TMPRSS15: variants seen among roughly 807,000 people sequenced by gnomAD.
TMPRSS15 encodes enteropeptidase.
A neutral mutation model predicts 125.3 loss-of-function variants in TMPRSS15; 128 were observed. The observed-to-expected ratio is 1.02, with a 90% CI of 0.89 to 1.18. TMPRSS15 has a LOEUF of 1.18. TMPRSS15 is among the 50% of genes most tolerant of loss of function. The pLI is 0.00. For synonymous variants in TMPRSS15, 446 were observed against 423.2 expected, an observed-to-expected ratio of 1.05 and a Z score of -0.66; for missense variants, 1,283 against 1,212.7, an observed-to-expected ratio of 1.06 and a Z score of -0.86.
chr21:18,313,126 G>A (rs371037903), intron 17 of TMPRSS15, 49 bp from the exon 18 acceptor site: 109 of 1,326,704 alleles, frequency 8.2e-5, no homozygotes, highest in Admixed American at 1.3e-4. Flanking sequence ...TGAAGGGTGC[G>A]GAGTATGGGA....
chr21:18,417,205 C>T (rs2076182485), intron 1 of TMPRSS15, among the ~76,000 whole-genome samples: 1 of 151,958 alleles, frequency 6.6e-6, no homozygotes, highest in South Asian at 2.1e-4. Flanking sequence ...TTTAAATTGT[C>T]TATTACCTTT....
chr21:18,329,809 G>C (rs1207201046), intron 14 of TMPRSS15, among the ~76,000 whole-genome samples: 4 of 150,894 alleles, frequency 2.7e-5, no homozygotes, highest in Non-Finnish European at 4.4e-5. Flanking sequence ...AACACTTCTT[G>C]TTTTTATTGA....
chr21:18,355,753 C>A (rs946344651), intron 8 of TMPRSS15, among the ~76,000 whole-genome samples: 5 of 151,912 alleles, frequency 3.3e-5, no homozygotes, highest in South Asian at 2.1e-4. Context: ...CTGGTATATA[C>A]TAAATGCTTA....
At chr21:18,312,698 G>A (rs1049623528) in intron 18 of TMPRSS15, among the ~76,000 whole-genome samples, 5 of 151,570 alleles carry the variant, frequency 3.3e-5, no homozygotes, top group African/African-American at 1.2e-4. Flanking sequence ...TAAGTATTTT[G>A]TATAACAGAG....
At chr21:18,370,554 G>C (rs1315780768) in intron 6 of TMPRSS15, among the ~76,000 whole-genome samples, 1 of 152,120 alleles carries the variant, frequency 6.6e-6, no homozygotes, top group African/African-American at 2.4e-5. Flanking sequence ...ATGCCTGAAA[G>C]CCACAGCAAA....
At chr21:18,285,014 A>AG in intron 21 of TMPRSS15, among the ~76,000 whole-genome samples, 1 of 149,808 alleles carries the variant, frequency 6.7e-6, no homozygotes, top group Non-Finnish European at 1.5e-5. Context: ...AAAAAAAAAG[A>AG]GAAAAAAAAG....
At chr21:18,429,564 G>A (rs2050472750) in intron 1 of TMPRSS15, among the ~76,000 whole-genome samples, 1 of 152,104 alleles carries the variant, frequency 6.6e-6, no homozygotes, top group South Asian at 2.1e-4. Flanking sequence ...GAGATCTGAT[G>A]GTTTTATCAG....
intron 10 of TMPRSS15, among the ~76,000 whole-genome samples, chr21:18,352,497 T>C (rs928221809): frequency 6.6e-5 from 10 of 152,056 alleles, no homozygotes; most frequent in South Asian, 4.1e-4. Context: ...CTAAGATCAA[T>C]ATGCAAAAAT....
chr21:18,389,631 T>C (rs973890621), intron 3 of TMPRSS15, among the ~76,000 whole-genome samples: 3 of 152,120 alleles, frequency 2.0e-5, no homozygotes, highest in African/African-American at 7.2e-5. Flanking sequence ...TATATAAAAG[T>C]CTATGTTCAT....
intron 21 of TMPRSS15, among the ~76,000 whole-genome samples, chr21:18,283,107 C>T (rs1261371661): frequency 6.6e-6 from 1 of 152,172 alleles, no homozygotes; most frequent in Non-Finnish European, 1.5e-5. Flanking sequence ...ATCTGTACTT[C>T]AGCCATGCTT....
At chr21:18,318,814 T>A (rs115277127) in intron 16 of TMPRSS15, among the ~76,000 whole-genome samples, 1,784 of 152,324 alleles carry the variant, frequency 0.012, 31 homozygotes, top group African/African-American at 0.04. Flanking sequence ...AAACTGAATA[T>A]ACAATATGCC....
In TMPRSS15 at chr21:18,396,854, A is replaced by C. The variant is rs1299549422; in HGVS notation, c.344+1025T>G. Among the ~76,000 whole-genome samples the C allele has an allele frequency of 4.2e-5, 5 of 117,700 alleles. No homozygotes were observed. In the South Asian group the frequency reaches 8.3e-4, roughly 20 times the overall value. The allele number at this position is 117,700 out of a possible 152,430, so 77.2% of individuals were successfully genotyped here. ...TCTATCTATCTATCTATCTATCTTA[A>C]GTCACAAAAGGCTTGGCCTGAAATA... is the stretch of plus-strand genomic sequence containing the variant. On this transcript the variant is annotated intron_variant, in intron 3 of 24. Coordinates refer to ENST00000284885, the MANE Select transcript of TMPRSS15 (RefSeq NM_002772.3).
chr21:18,341,833 GTC>G (rs1416980449), intron 12 of TMPRSS15, among the ~76,000 whole-genome samples: 3 of 152,118 alleles, frequency 2.0e-5, no homozygotes, highest in Admixed American at 1.3e-4. Flanking sequence ...CTCTGTCTGT[GTC>G]TCTCTTATGA....
chr21:18,285,585 C>G (rs369103790), intron 21 of TMPRSS15, among the ~76,000 whole-genome samples: 34 of 152,058 alleles, frequency 2.2e-4, no homozygotes, highest in Non-Finnish European at 1.5e-4. Flanking sequence ...CTAGCCAATT[C>G]GAATATTTAA....
At chr21:18,294,983 C>T (rs1225296241) in intron 19 of TMPRSS15, among the ~76,000 whole-genome samples, 1 of 152,142 alleles carries the variant, frequency 6.6e-6, no homozygotes. Flanking sequence ...AAAACTATTA[C>T]AGGGCCTTAT....
intron 1 of TMPRSS15, among the ~76,000 whole-genome samples, chr21:18,454,057 T>C (rs183194631): frequency 1.3e-5 from 2 of 152,182 alleles, no homozygotes; most frequent in Admixed American, 6.6e-5. Flanking sequence ...AAGGACAATA[T>C]GTGAGTATTG....
At chr21:18,440,891 A>T (rs768987807) in intron 1 of TMPRSS15, among the ~76,000 whole-genome samples, 1 of 152,240 alleles carries the variant, frequency 6.6e-6, no homozygotes. Flanking sequence ...TTCTGCTTAA[A>T]GTATAATTAC....
chr21:18,316,112 C>T (rs1190193707), intron 16 of TMPRSS15, among the ~76,000 whole-genome samples: 2 of 152,132 alleles, frequency 1.3e-5, no homozygotes, highest in African/African-American at 4.8e-5. Context: ...ACACCATCTA[C>T]TTGTTTGCTC....
chr21:18,355,987 C>T (rs2075620783), intron 8 of TMPRSS15, among the ~76,000 whole-genome samples: 1 of 151,756 alleles, frequency 6.6e-6, no homozygotes, highest in South Asian at 2.1e-4. Flanking sequence ...AAAACAATTA[C>T]CTAATATCTT....
Sources: allele counts gnomAD v4.1 joint callset (sites outside exome capture counted in the v4.1 genomes callset), GRCh38; gene constraint gnomAD v4.1.1; transcripts MANE v1.5; gene names NCBI Gene and HGNC (gene_info 2026-07-23, HGNC 2026-07-21).